Variants in ENOX1 observed in about 807,000 individuals in gnomAD.
The protein encoded by ENOX1 is candidate growth-related and time keeping constitutive hydroquinone (NADH) oxidase.
A neutral mutation model predicts 82.5 loss-of-function variants in ENOX1; 42 were observed. That is an observed-to-expected ratio of 0.51 (90% CI 0.40 to 0.66). The LOEUF is 0.66. Among genes scored for constraint, ENOX1 ranks in the 30% least tolerant of loss-of-function variants. The probability of loss-of-function intolerance (pLI) is 0.00; values close to 1 mark genes in which losing one functional copy is unlikely to be tolerated. For synonymous variants in ENOX1, 271 were observed against 282.2 expected (o/e 0.96, Z 0.40); for missense variants, 608 against 811.6 (o/e 0.75, Z 3.05).
At chr13:43,360,098 A>G in intron 6 of ENOX1, 41 bp from the exon 7 acceptor site, 1 of 1,585,378 alleles carries the variant, frequency 6.3e-7, no homozygotes, top group South Asian at 1.1e-5. Context: ...TCTTTCATTT[A>G]TTTGCTTTCT....
intron 1 of ENOX1, among the ~76,000 whole-genome samples, chr13:43,699,169 A>G (rs1434124948): frequency 6.6e-6 from 1 of 152,214 alleles, no homozygotes; most frequent in African/African-American, 2.4e-5. Flanking sequence ...ATCATGGAAA[A>G]GTGCAGTGGC....
At chr13:43,604,611 G>A (rs978874726) in intron 2 of ENOX1, among the ~76,000 whole-genome samples, 2 of 152,148 alleles carry the variant, frequency 1.3e-5, no homozygotes, top group Non-Finnish European at 2.9e-5. Context: ...CTGTTCATAC[G>A]ATGTGTCACA....
At chr13:43,587,279 T>G (rs1470182573) in intron 2 of ENOX1, among the ~76,000 whole-genome samples, 1 of 152,222 alleles carries the variant, frequency 6.6e-6, no homozygotes, top group Non-Finnish European at 1.5e-5. Flanking sequence ...CTTTCAATTT[T>G]CAGCATAGAT....
intron 1 of ENOX1, among the ~76,000 whole-genome samples, chr13:43,782,783 A>G (rs2153854504): frequency 6.6e-6 from 1 of 152,370 alleles, no homozygotes; most frequent in African/African-American, 2.4e-5. Flanking sequence ...AATGACTAAT[A>G]ATGCATATAT....
At position 43,269,542 on chromosome 13, in the gene ENOX1, T is replaced by C. The variant is rs757885251; in HGVS notation, c.1482A>G (p.Lys494=). The part of the protein sequence containing the change: ...LLTIQEELNN[K]KSELEQAKEE... The stretch of plus-strand genomic sequence containing the variant: ...CCTTTGCTTGTTCCAATTCTGACTT[T>C]TTGTTGTTTAACTCCTCCTGGATGG... Residue 494 remains lysine (K), a synonymous_variant, in exon 13 of 17, where the codon AAA becomes AAG. Transcript: ENST00000690772. 30 of 1,613,964 alleles carry C rather than the reference T, an allele frequency of 1.9e-5. No individual in the cohort carries two copies. The highest frequency in any genetic ancestry group is 2.5e-5 in the Non-Finnish European group (30 of 1,179,842).
At chr13:43,614,346 C>T (rs2082318491) in intron 2 of ENOX1, among the ~76,000 whole-genome samples, 1 of 152,158 alleles carries the variant, frequency 6.6e-6, no homozygotes, top group South Asian at 2.1e-4. Context: ...TCACTACACA[C>T]AGCATGCCCT....
At position 43,298,584 on chromosome 13, in the gene ENOX1, G is replaced by C. The variant is rs2046404832; in HGVS notation, c.1262-54C>G. 2.0e-6 allele frequency: 3 copies of C among 1,504,568 alleles called. No homozygotes were observed. The Admixed American group carries it at 6.3e-5, about 32-fold the overall frequency. The allele number at this position is 1,504,568 out of a possible 1,614,324, so 93.2% of individuals were successfully genotyped here. On this transcript the variant is annotated intron_variant, in intron 11 of 16. Coordinates refer to ENST00000690772, the MANE Select transcript of ENOX1 (RefSeq NM_001347969.2). ...GAGCTACCTTCTTGCTTAGCTTGAGGAGGCCTTCTGTGGGAAAGGGAGTCT... is the reference window on the plus strand; with the variant it reads ...GAGCTACCTTCTTGCTTAGCTTGAGCAGGCCTTCTGTGGGAAAGGGAGTCT...
At chr13:43,476,384 AG>A (rs1001825728) in intron 3 of ENOX1, among the ~76,000 whole-genome samples, 15 of 152,062 alleles carry the variant, frequency 9.9e-5, no homozygotes, top group Middle Eastern at 3.4e-3. Flanking sequence ...TTTAAAAAAA[AG>A]TGCATATTTT....
intron 3 of ENOX1, among the ~76,000 whole-genome samples, chr13:43,434,937 G>GTTTGTTTTTTT (rs1555273075): frequency 2.6e-5 from 2 of 75,910 alleles, no homozygotes; most frequent in African/African-American, 5.3e-5. Flanking sequence ...TGTGTGTGTG[G>GTTTGTTTTTTT]TTTTTTTTTT....
At chr13:43,558,120 A>G in intron 2 of ENOX1, among the ~76,000 whole-genome samples, 1 of 152,174 alleles carries the variant, frequency 6.6e-6, no homozygotes, top group East Asian at 1.9e-4. Flanking sequence ...TGGGAAACCA[A>G]CCTGGTGCTG....
chr13:43,627,302 G>A (rs2083006960), intron 2 of ENOX1, among the ~76,000 whole-genome samples: 1 of 151,850 alleles, frequency 6.6e-6, no homozygotes, highest in South Asian at 2.1e-4. Flanking sequence ...GCTTCAGTCT[G>A]TTATCTTTTG....
chr13:43,722,029 T>C (rs1490517060), intron 1 of ENOX1, among the ~76,000 whole-genome samples: 25 of 152,184 alleles, frequency 1.6e-4, no homozygotes. Context: ...TGAACAGGAA[T>C]GTAGAGAAGA....
chr13:43,624,839 A>C (rs899300533), intron 2 of ENOX1, among the ~76,000 whole-genome samples: 1 of 152,052 alleles, frequency 6.6e-6, no homozygotes, highest in Non-Finnish European at 1.5e-5. Context: ...AAGTCCTTCC[A>C]CTTTTTAAAA....
At chr13:43,247,777 A>C (rs1232728011) in intron 14 of ENOX1, among the ~76,000 whole-genome samples, 1 of 132,204 alleles carries the variant, frequency 7.6e-6, no homozygotes, top group Non-Finnish European at 1.6e-5. Context: ...TAATCTCTAC[A>C]GAGCAACAGT....
chr13:43,428,832 C>A (rs1393265670), intron 3 of ENOX1, among the ~76,000 whole-genome samples: 1 of 152,142 alleles, frequency 6.6e-6, no homozygotes, highest in Admixed American at 6.6e-5. Context: ...AAGCCACAAG[C>A]TGGATAAACC....
At chr13:43,594,521 G>C (rs560697857) in intron 2 of ENOX1, among the ~76,000 whole-genome samples, 34 of 152,312 alleles carry the variant, frequency 2.2e-4, no homozygotes, top group Admixed American at 7.2e-4. Context: ...GAGGGGCTGA[G>C]GCTGACATGG....
At chr13:43,411,245 T>C (rs1448187919) in intron 5 of ENOX1, among the ~76,000 whole-genome samples, 1 of 152,224 alleles carries the variant, frequency 6.6e-6, no homozygotes, top group Non-Finnish European at 1.5e-5. Flanking sequence ...CTTATATACA[T>C]ATATATTTAT....
chr13:43,566,760 T>C (rs767836379), intron 2 of ENOX1, among the ~76,000 whole-genome samples: 6 of 152,082 alleles, frequency 3.9e-5, no homozygotes, highest in East Asian at 1.9e-4. Context: ...AGAGAAGGTA[T>C]AGATCTTCGA....
chr13:43,328,507 T>C (rs761547218), intron 9 of ENOX1, among the ~76,000 whole-genome samples: 6 of 152,116 alleles, frequency 3.9e-5, no homozygotes, highest in African/African-American at 7.2e-5. Flanking sequence ...TGGTTGGTAA[T>C]AGTGAAAATT....
Sources: gnomAD v4.1 joint callset for allele counts (sites outside exome capture counted in the v4.1 genomes callset) on GRCh38, gnomAD v4.1.1 for gene constraint, MANE v1.5 for transcripts, NCBI Gene and HGNC (gene_info 2026-07-23, HGNC 2026-07-21) for gene names.